The following GPA33 variants were observed in gnomAD, a reference collection of about 807,000 sequenced individuals.
The protein encoded by GPA33 is cell surface A33 antigen.
Under a neutral mutation model 35.6 loss-of-function variants are expected in GPA33, and 27 were observed. The observed-to-expected ratio is 0.76, with a 90% CI of 0.56 to 1.04. GPA33 has a LOEUF of 1.04. GPA33 is among the 50% of genes least tolerant of loss of function. GPA33 has a pLI of 0.00. For missense variants in GPA33, 428 were observed against 411.9 expected, an observed-to-expected ratio of 1.04 and a Z score of -0.34; for synonymous variants, 176 against 164.0, an observed-to-expected ratio of 1.07 and a Z score of -0.56.
At chr1:167,080,926 G>T (rs1354763604) in intron 1 of GPA33, among the ~76,000 whole-genome samples, 1 of 152,176 alleles carries the variant, frequency 6.6e-6, no homozygotes, top group Non-Finnish European at 1.5e-5. Flanking sequence ...GAGAAACTTG[G>T]TGGAAGAACC....
At position 167,053,987 on chromosome 1, in the gene GPA33, A is replaced by C; in HGVS notation, c.*347T>G. 3.6e-6 allele frequency: 1 copy of C among 281,288 alleles called. No individual in the cohort carries two copies. Among genetic ancestry groups the C allele is most frequent in the Non-Finnish European group, 6.7e-6 (1 of 148,438 alleles). 17.4% of individuals were successfully genotyped at this position (281,288 alleles called of 1,614,324 possible). On this transcript the variant is annotated 3_prime_UTR_variant, in exon 7 of 7. Coordinates refer to ENST00000367868, the MANE Select transcript of GPA33 (RefSeq NM_005814.3). ...CCCAAGGCTGGCATCGCCTCCCTGG[A>C]GAGTTCTGAGTGGGAGCGCCCCATG...
intron 2 of GPA33, among the ~76,000 whole-genome samples, chr1:167,070,953 A>C (rs1460637435): frequency 6.6e-6 from 1 of 152,132 alleles, no homozygotes; most frequent in Non-Finnish European, 1.5e-5. Context: ...ATGAATAAAC[A>C]ATGTGTTCTC....
chr1:167,055,695 C>T (rs372076276), intron 5 of GPA33, 35 bp downstream of exon 5: 85 of 1,610,428 alleles, frequency 5.3e-5, no homozygotes, highest in South Asian at 1.5e-4. Flanking sequence ...TATCCTGTGG[C>T]GTTTGTCAGC....
chr1:167,081,511 T>A (rs567049520), intron 1 of GPA33, among the ~76,000 whole-genome samples: 1 of 152,318 alleles, frequency 6.6e-6, no homozygotes, highest in African/African-American at 2.4e-5. Context: ...GGTTTAGGAC[T>A]CAATAAATGT....
chr1:167,055,133 G>A (rs1351642098), intron 5 of GPA33, 22 bp from the exon 6 acceptor site: 1 of 1,610,050 alleles, frequency 6.2e-7, no homozygotes, highest in Admixed American at 1.7e-5. Context: ...CAGAGCAGCT[G>A]CACTTGCCGA....
At chr1:167,077,579 T>C (rs1447775646) in intron 1 of GPA33, among the ~76,000 whole-genome samples, 2 of 152,110 alleles carry the variant, frequency 1.3e-5, no homozygotes, top group African/African-American at 4.8e-5. Context: ...GCACAGTTGG[T>C]CCCCAAAACT....
rs768326263 is a variant in GPA33, at chr1:167,062,646, C to CTTTTTTTTTTTTTTT, written c.571+921_571+935dup. ...TGGTAGGATTTTTATATAGCTCTTTCTTTTTTTTTTTTTTTTTTTTTCAGT... is the reference window on the plus strand; with the variant it reads ...TGGTAGGATTTTTATATAGCTCTTTCTTTTTTTTTTTTTTTTTTTTTTTTTTTTTTTTTTTTCAGT... On this transcript the variant is annotated intron_variant, in intron 4 of 6. Transcript: ENST00000367868. Among the ~76,000 whole-genome samples, 84 of 79,978 alleles carry CTTTTTTTTTTTTTTT rather than the reference C, an allele frequency of 1.1e-3. 4 individuals are homozygous for CTTTTTTTTTTTTTTT. Among genetic ancestry groups the CTTTTTTTTTTTTTTT allele is most frequent in the Admixed American group, 2.7e-3 (14 of 5,208 alleles). 52.5% of individuals were successfully genotyped at this position (79,978 alleles called of 152,430 possible).
At chr1:167,072,189 T>C (rs1666735284) in intron 2 of GPA33, among the ~76,000 whole-genome samples, 1 of 152,202 alleles carries the variant, frequency 6.6e-6, no homozygotes, top group Non-Finnish European at 1.5e-5. Context: ...CACCCCTTCT[T>C]TCCTGTTAGG....
intron 4 of GPA33, among the ~76,000 whole-genome samples, chr1:167,056,665 G>GTGT (rs1666277042): frequency 2.2e-3 from 2 of 910 alleles, no homozygotes; most frequent in Non-Finnish European, 2.2e-3. Flanking sequence ...GTGGTACGGT[G>GTGT]AGTGTGTGAT....
intron 4 of GPA33, among the ~76,000 whole-genome samples, chr1:167,058,732 G>C (rs1192078972): frequency 2.0e-5 from 3 of 149,592 alleles, no homozygotes; most frequent in African/African-American, 7.3e-5. Context: ...ATGCGGCATG[G>C]AGAAGGAGTC....
At chr1:167,083,981 C>T (rs557247631) in intron 1 of GPA33, among the ~76,000 whole-genome samples, 60 of 152,254 alleles carry the variant, frequency 3.9e-4, no homozygotes, top group African/African-American at 1.3e-3. Flanking sequence ...TCCTGCTATC[C>T]ACCCTTTCAG....
intron 4 of GPA33, among the ~76,000 whole-genome samples, chr1:167,060,109 G>C (rs1313616882): frequency 1.3e-5 from 2 of 152,112 alleles, no homozygotes; most frequent in Non-Finnish European, 2.9e-5. Context: ...GATAAGATCT[G>C]GCTCTAGTGC....
At chr1:167,056,830 G>GTATGGTA (rs1328359416) in intron 4 of GPA33, among the ~76,000 whole-genome samples, 4 of 2,368 alleles carry the variant, frequency 1.7e-3, no homozygotes, top group Non-Finnish European at 3.5e-3. Flanking sequence ...CGTTTGTAGT[G>GTATGGTA]TGTGTGGTGA....
chr1:167,067,517 A>C, intron 3 of GPA33, among the ~76,000 whole-genome samples: 1 of 152,188 alleles, frequency 6.6e-6, no homozygotes, highest in Non-Finnish European at 1.5e-5. Flanking sequence ...GCATTTATAT[A>C]ATGCTTATGT....
chr1:167,073,388 A>G lies in GPA33; in HGVS notation c.195T>C (p.His65=). Residue 65 remains histidine (H), a synonymous_variant, in exon 2 of 7, where the codon CAT becomes CAC. Coordinates refer to ENST00000367868, the MANE Select transcript of GPA33 (RefSeq NM_005814.3). ...TGAACTTGTAAAGTATCCTTACCGT[A>G]TGAGTGAGGAGGAGCTTATCCCATT... ...LIQWDKLLLT[H]TERVVIWPFS... is the part of the protein sequence containing the mutation. The G allele has an allele frequency of 1.2e-6, 2 of 1,613,168 alleles. No homozygotes were observed. Among genetic ancestry groups the G allele is most frequent in the Non-Finnish European group, 1.7e-6 (2 of 1,179,094 alleles).
At position 167,054,900 on chromosome 1, in the gene GPA33, G is replaced by T. The variant is rs1666201387; in HGVS notation, c.827+76C>A. The T allele has an allele frequency of 1.1e-5, 16 of 1,521,184 alleles. No homozygotes were observed. In the South Asian group the frequency reaches 1.9e-4, roughly 18 times the overall value. The allele number at this position is 1,521,184 out of a possible 1,614,324, so 94.2% of individuals were successfully genotyped here. A position where few individuals can be genotyped will look rare whatever the true frequency, so the allele number is the denominator to read the frequency against. ...ACCCCAAGGGGTGCTGCAAGTAGAA[G>T]AGGCTGTGAGGAATTGGGAAGCATA... is the stretch of plus-strand genomic sequence containing the variant. On this transcript the variant is annotated intron_variant, in intron 6 of 6. Transcript: ENST00000367868.
At chr1:167,069,725 G>T (rs916825642) in intron 2 of GPA33, among the ~76,000 whole-genome samples, 16 of 152,344 alleles carry the variant, frequency 1.1e-4, no homozygotes, top group Admixed American at 3.9e-4. Flanking sequence ...ATGACCTTGA[G>T]CAAAATGTTC....
At chr1:167,074,760 G>A (rs1666786644) in intron 1 of GPA33, among the ~76,000 whole-genome samples, 1 of 151,114 alleles carries the variant, frequency 6.6e-6, no homozygotes, top group African/African-American at 2.4e-5. Context: ...GAGTGAGGAG[G>A]AGAGATGAAA....
At chr1:167,072,292 A>C (rs1666736788) in intron 2 of GPA33, among the ~76,000 whole-genome samples, 1 of 152,232 alleles carries the variant, frequency 6.6e-6, no homozygotes, top group Non-Finnish European at 1.5e-5. Context: ...CCTCACTTTT[A>C]AACTTATGAA....
Sources: allele counts gnomAD v4.1 joint callset (sites outside exome capture counted in the v4.1 genomes callset), GRCh38; gene constraint gnomAD v4.1.1; transcripts MANE v1.5; gene names NCBI Gene and HGNC (gene_info 2026-07-23, HGNC 2026-07-21).